HIVEP2: variants seen among roughly 807,000 people sequenced by gnomAD.
HIVEP2 encodes transcription factor HIVEP2.
HIVEP2 carries 14 observed loss-of-function variants against 180.7 expected under a neutral mutation model. The observed-to-expected ratio is 0.08, with a 90% CI of 0.05 to 0.12. The LOEUF (loss-of-function observed/expected upper bound fraction) is 0.12. Ranked by LOEUF, HIVEP2 falls within the 10% of genes least tolerant of loss-of-function variation. The probability of loss-of-function intolerance (pLI) is 1.00; values close to 1 mark genes in which losing one functional copy is unlikely to be tolerated. For synonymous variants in HIVEP2, 1,184 were observed against 1,136.4 expected (o/e 1.04, Z -0.84); for missense variants, 2,579 against 3,008.5 (o/e 0.86, Z 3.34).
chr6:142,936,828 T>G (rs74427531), intron 1 of HIVEP2, among the ~76,000 whole-genome samples: 1 of 142,852 alleles, frequency 7.0e-6, no homozygotes, highest in Non-Finnish European at 1.5e-5. Flanking sequence ...GGCAAGGAAT[T>G]TTTTTTTTTT....
intron 7 of HIVEP2, among the ~76,000 whole-genome samples, chr6:142,762,340 A>G (rs913144423): frequency 2.6e-5 from 4 of 152,164 alleles, no homozygotes. Context: ...ATATGTGTAT[A>G]TACATGTGTG....
chr6:142,930,834 A>T (rs892135845), intron 1 of HIVEP2, among the ~76,000 whole-genome samples: 3 of 152,172 alleles, frequency 2.0e-5, no homozygotes, highest in Non-Finnish European at 2.9e-5. Context: ...AAACAAAATT[A>T]TTTTTTATTA....
At chr6:142,809,600 T>C (rs1461042204) in intron 2 of HIVEP2, among the ~76,000 whole-genome samples, 30 of 151,946 alleles carry the variant, frequency 2.0e-4, no homozygotes, top group Admixed American at 2.0e-3. Flanking sequence ...TGTTTGTTTG[T>C]TTGTTTGTTT....
chr6:142,943,261 A>C lies in HIVEP2; in HGVS notation c.-641+1838T>G, dbSNP rs959965714. On this transcript the variant is annotated intron_variant, in intron 1 of 9. Coordinates refer to ENST00000367603, the MANE Select transcript of HIVEP2 (RefSeq NM_006734.4). The surrounding 1 kb of genome is among the most constrained non-coding windows in gnomAD (Gnocchi z 4.5). ...ACTTCGTTAAAATTCTGCTTCTGGC[A>C]CTCTTATAAGGTGAAAAAGCAATGA... Among the ~76,000 whole-genome samples, 5 of 152,114 alleles carry C rather than the reference A, an allele frequency of 3.3e-5. No homozygotes were observed. The highest frequency in any genetic ancestry group is 1.2e-4 in the African/African-American group (5 of 41,426).
chr6:142,903,225 T>G (rs1777175484), intron 1 of HIVEP2, among the ~76,000 whole-genome samples: 1 of 152,226 alleles, frequency 6.6e-6, no homozygotes, highest in Non-Finnish European at 1.5e-5. Context: ...ATAAAATGTT[T>G]TCTGGACACA....
chr6:142,882,629 G>T (rs540581181), intron 1 of HIVEP2, among the ~76,000 whole-genome samples: 9 of 151,382 alleles, frequency 5.9e-5, no homozygotes, highest in Admixed American at 2.0e-4. Context: ...AACAGAAAGG[G>T]GGGGAGGGGA....
In HIVEP2 at chr6:142,789,834, A is replaced by T. The variant is rs989704334; in HGVS notation, c.-527-6219T>A. Among the ~76,000 whole-genome samples, 5 of 152,202 alleles carry T rather than the reference A, an allele frequency of 3.3e-5. No individual in the cohort carries two copies. The South Asian group carries it at 1.0e-3, about 32-fold the overall frequency. The stretch of plus-strand genomic sequence containing the variant: ...AGATATTTATAATCCATAATCAAAG[A>T]AACAGAAAATAACAGTAGTTAAGGA... On this transcript the variant is annotated intron_variant, in intron 2 of 9. Transcript: ENST00000367603.
chr6:142,799,075 T>C (rs539327970), intron 2 of HIVEP2, among the ~76,000 whole-genome samples: 5 of 152,308 alleles, frequency 3.3e-5, no homozygotes, highest in South Asian at 2.1e-4. Context: ...TTTGCATGCA[T>C]GCAAGCACAT....
At position 142,760,335 on chromosome 6, in the gene HIVEP2, T is replaced by C; in HGVS notation, c.5953A>G (p.Thr1985Ala). Residue 1985 changes from threonine to alanine, a missense_variant, in exon 9 of 10, where the codon ACA becomes GCA. Physicochemically the swap from Thr to Ala is moderately conservative, Grantham distance 58 (BLOSUM62 0). This residue lies in a region of HIVEP2 where 660 missense variants were observed against 731.7 expected (regional missense o/e 0.90). Transcript: ENST00000367603. Reference sequence around the variant, plus strand: ...GTATCTTCACATGAATCACTGGGTGTCATAAGCTGAGTAACTCGAATACTT... The same window carrying C: ...GTATCTTCACATGAATCACTGGGTGCCATAAGCTGAGTAACTCGAATACTT... ...LPSIRVTQLM[T>A]PSDSCEDTQM... 1 of 1,614,180 alleles carries C rather than the reference T, an allele frequency of 6.2e-7. No individual in the cohort carries two copies. Among genetic ancestry groups the C allele is most frequent in the South Asian group, 1.1e-5 (1 of 91,088 alleles).
At chr6:142,910,743 C>T (rs1777382093) in intron 1 of HIVEP2, among the ~76,000 whole-genome samples, 1 of 152,336 alleles carries the variant, frequency 6.6e-6, no homozygotes, top group South Asian at 2.1e-4. Context: ...ATATAAACCA[C>T]TGTTTCTCAA....
In HIVEP2 at chr6:142,770,981, G is replaced by A. The variant is rs1242609751; in HGVS notation, c.3758C>T (p.Ser1253Leu). 6.8e-6 allele frequency: 11 copies of A among 1,614,050 alleles called. No homozygotes were observed. Among genetic ancestry groups the A allele is most frequent in the Admixed American group, 3.3e-5 (2 of 60,000 alleles). The change falls in exon 5 of 10, where the codon TCG becomes TTG. Residue 1253 changes from serine to leucine, a missense_variant. Ser to Leu is a moderately radical substitution (Grantham distance 145). Coordinates refer to ENST00000367603, the MANE Select transcript of HIVEP2 (RefSeq NM_006734.4). This position sits in a 1 kb window ranked among gnomAD's most constrained non-coding sequence, Gnocchi z 4.7. ...TGCCACATGCTCTAAGGGATAGCTC[G>A]AATGGATTTCTGTCTGAAAAGAGGG... ...GKPSFQTEIHSSYPLEHVAEH... is the reference protein window; with the variant it reads ...GKPSFQTEIHLSYPLEHVAEH...
At chr6:142,803,820 C>T (rs971749681) in intron 2 of HIVEP2, among the ~76,000 whole-genome samples, 1 of 152,088 alleles carries the variant, frequency 6.6e-6, no homozygotes, top group Non-Finnish European at 1.5e-5. Context: ...TCTTCTTTGG[C>T]ACCCAGTGTA....
At chr6:142,862,825 T>A (rs1484672469) in intron 1 of HIVEP2, among the ~76,000 whole-genome samples, 11 of 134,272 alleles carry the variant, frequency 8.2e-5, no homozygotes, top group African/African-American at 3.0e-4. Flanking sequence ...TATTTTTATA[T>A]AATATATAAA....
intron 2 of HIVEP2, among the ~76,000 whole-genome samples, chr6:142,828,677 G>C (rs1013058276): frequency 1.3e-5 from 2 of 152,016 alleles, no homozygotes; most frequent in African/African-American, 4.8e-5. Context: ...TGATCCACCC[G>C]CCTCGGCCTC....
chr6:142,757,881 C>T (rs1002429861), intron 9 of HIVEP2, among the ~76,000 whole-genome samples: 6 of 152,144 alleles, frequency 3.9e-5, no homozygotes, highest in African/African-American at 1.4e-4. Context: ...AGCATGTTTG[C>T]GATAAAGGCT....
At position 142,753,564 on chromosome 6, in the gene HIVEP2, G is replaced by A. The variant is rs201249840; in HGVS notation, c.6884C>T (p.Pro2295Leu). The change falls in exon 10 of 10, where the codon CCA (proline) becomes CTA (leucine). Residue 2295 changes from proline (P) to leucine (L), a missense_variant. Physicochemically the swap from Pro to Leu is moderately conservative, Grantham distance 98. This residue lies in a region of HIVEP2 where 660 missense variants were observed against 731.7 expected (regional missense o/e 0.90). Coordinates refer to ENST00000367603, the MANE Select transcript of HIVEP2 (RefSeq NM_006734.4). Reference sequence around the variant, plus strand: ...CCGAGGAGAGGAGGGAGTGCTAGGTGGACCAGATGACTGCAAAGCGTGAGG... The same window carrying A: ...CCGAGGAGAGGAGGGAGTGCTAGGTAGACCAGATGACTGCAAAGCGTGAGG... ...RGPHALQSSG[P>L]PSTPSSPRLL... The A allele has an allele frequency of 8.7e-4, 1,410 of 1,614,008 alleles. 1 individual carries two copies. Among genetic ancestry groups the A allele is most frequent in the Non-Finnish European group, 1.1e-3 (1,337 of 1,179,992 alleles).
At chr6:142,813,505 A>C (rs561681723) in intron 2 of HIVEP2, among the ~76,000 whole-genome samples, 2 of 152,104 alleles carry the variant, frequency 1.3e-5, no homozygotes, top group East Asian at 3.9e-4. Flanking sequence ...TATATTATTA[A>C]ATCATTTAAA....
chr6:142,771,291 G>C lies in HIVEP2; in HGVS notation c.3448C>G (p.Pro1150Ala). The change falls in exon 5 of 10, where the codon CCA becomes GCA. Residue 1150 changes from proline to alanine, a missense_variant. Coordinates refer to ENST00000367603, the MANE Select transcript of HIVEP2 (RefSeq NM_006734.4). This position sits in a 1 kb window ranked among gnomAD's most constrained non-coding sequence, Gnocchi z 5.4. ...ATCTGTGGCTGGGCCAGGTGCAGTG[G>C]CCCCGAGCTCAGCGGGGGACAAGGA... ...AGPCPPLSSGPLHLAQPQIMH... is the reference protein window; with the variant it reads ...AGPCPPLSSGALHLAQPQIMH... 1 of 1,613,592 alleles carries C rather than the reference G, an allele frequency of 6.2e-7. No homozygotes were observed. Among genetic ancestry groups the C allele is most frequent in the Non-Finnish European group, 8.5e-7 (1 of 1,180,020 alleles).
chr6:142,764,263 A>C (rs1775326990), intron 7 of HIVEP2, among the ~76,000 whole-genome samples: 1 of 152,258 alleles, frequency 6.6e-6, no homozygotes, highest in Non-Finnish European at 1.5e-5. Context: ...ACTAACAGTT[A>C]TGTACTGAGA....
Sources: gnomAD v4.1 joint callset for allele counts (sites outside exome capture counted in the v4.1 genomes callset) on GRCh38, gnomAD v4.1.1 for gene constraint, gnomAD v4.1.1 regional missense constraint, Gnocchi (gnomAD v3.1) non-coding constraint, MANE v1.5 for transcripts, NCBI Gene and HGNC (gene_info 2026-07-23, HGNC 2026-07-21) for gene names.